THADA: variants seen among roughly 807,000 people sequenced by gnomAD.
The protein encoded by THADA is THADA armadillo repeat containing.
Under a neutral mutation model 219.8 loss-of-function variants are expected in THADA, and 213 were observed. The observed-to-expected ratio is 0.97, with a 90% CI of 0.87 to 1.09. The LOEUF (loss-of-function observed/expected upper bound fraction) is 1.09. THADA is among the 50% of genes least tolerant of loss of function. The pLI is 0.00. For missense variants in THADA, 2,956 were observed against 2,311.3 expected (o/e 1.28, Z -5.72); for synonymous variants, 1,018 against 828.9 (o/e 1.23, Z -3.92).
chr2:43,556,698 G>A (rs183607528), intron 16 of THADA, 143 bp from the exon 17 acceptor site: 7,349 of 726,884 alleles, frequency 0.01, 57 homozygotes, highest in Non-Finnish European at 0.014. Flanking sequence ...GCTGATGGAG[G>A]AGGATTACTT....
At chr2:43,508,856 A>T in intron 22 of THADA, 76 bp from the exon 23 acceptor site, 1 of 1,395,308 alleles carries the variant, frequency 7.2e-7, no homozygotes, top group South Asian at 1.3e-5. Context: ...GCACATTTAC[A>T]CTGTTAGTAA....
chr2:43,433,001 CT>C (rs1383219843), intron 26 of THADA, among the ~76,000 whole-genome samples: 2 of 152,022 alleles, frequency 1.3e-5, no homozygotes, highest in Admixed American at 1.3e-4. Flanking sequence ...CAATTTTTTT[CT>C]TTATGATTCA....
At chr2:43,561,016 C>CAAAAAAAAAAAAAAAAAA (rs3042329) in intron 15 of THADA, among the ~76,000 whole-genome samples, 1 of 92,330 alleles carries the variant, frequency 1.1e-5, no homozygotes, top group Non-Finnish European at 2.3e-5. Flanking sequence ...GACTTGGTCT[C>CAAAAAAAAAAAAAAAAAA]AAAAAAAAAA....
At chr2:43,343,308 T>C (rs1382702917) in intron 30 of THADA, 5 of 152,270 alleles carry the variant, frequency 3.3e-5, no homozygotes, top group African/African-American at 1.2e-4. Flanking sequence ...AGTGCTGGGA[T>C]TACAGACATG....
chr2:43,245,705 G>A (rs1018234816), intron 36 of THADA, among the ~76,000 whole-genome samples: 1 of 152,146 alleles, frequency 6.6e-6, no homozygotes, highest in African/African-American at 2.4e-5. Context: ...TGCTAGTCTT[G>A]AAGAATGTGC....
chr2:43,343,156 T>C (rs1213301853), intron 30 of THADA: 2 of 152,170 alleles, frequency 1.3e-5, no homozygotes, highest in African/African-American at 4.8e-5. Flanking sequence ...GCCTCCCAAG[T>C]AGTTGGGACT....
At chr2:43,278,548 G>A (rs1310292473) in intron 36 of THADA, among the ~76,000 whole-genome samples, 2 of 152,200 alleles carry the variant, frequency 1.3e-5, no homozygotes, top group Non-Finnish European at 2.9e-5. Flanking sequence ...TGGCAGGTTG[G>A]GGGCTGAGGG....
intron 15 of THADA, chr2:43,566,206 G>C (rs1236389464): frequency 9.5e-6 from 4 of 422,682 alleles, no homozygotes; most frequent in East Asian, 3.6e-5. Flanking sequence ...GAAAAACAAA[G>C]GGTATTATTA....
rs1226214477 is a variant in THADA, at chr2:43,566,433, T to C, written c.2311+265A>G. On this transcript the variant is annotated intron_variant, in intron 15 of 37. Transcript: ENST00000405975. ...AGCAACAAACAAATTAGTGAGGTAA[T>C]AGCTGGAACTCTTTCCATAATAAGC... 6 of 710,522 alleles carry C rather than the reference T, an allele frequency of 8.4e-6. 1 individual carries two copies. Among genetic ancestry groups the C allele is most frequent in the Non-Finnish European group, 1.6e-5 (6 of 383,512 alleles). 44.0% of individuals were successfully genotyped at this position (710,522 alleles called of 1,614,324 possible).
intron 15 of THADA, chr2:43,565,096 T>C (rs1267116579): frequency 6.6e-6 from 1 of 152,208 alleles, no homozygotes; most frequent in Middle Eastern, 3.2e-3. Flanking sequence ...GTTATGGTTA[T>C]AGAATTAATA....
intron 4 of THADA, among the ~76,000 whole-genome samples, chr2:43,588,309 G>T (rs1044136970): frequency 6.7e-6 from 1 of 149,566 alleles, no homozygotes; most frequent in African/African-American, 2.5e-5. Context: ...AAAAAAAATA[G>T]TATAAGGCCT....
chr2:43,569,363 T>C (rs1174616120), intron 14 of THADA, among the ~76,000 whole-genome samples: 2 of 152,230 alleles, frequency 1.3e-5, no homozygotes, highest in Non-Finnish European at 2.9e-5. Context: ...TGGAGAGATA[T>C]ATAGTCTACA....
At chr2:43,502,638 A>G (rs966945175) in intron 24 of THADA, among the ~76,000 whole-genome samples, 1 of 151,570 alleles carries the variant, frequency 6.6e-6, no homozygotes, top group African/African-American at 2.4e-5. Context: ...GAAAATATAA[A>G]ATGTCTTTCC....
intron 16 of THADA, among the ~76,000 whole-genome samples, chr2:43,559,374 T>C (rs187522544): frequency 6.6e-6 from 1 of 152,220 alleles, no homozygotes; most frequent in East Asian, 1.9e-4. Context: ...ACAGACACTA[T>C]CCTCTCTGGC....
intron 8 of THADA, 38 bp downstream of exon 8, chr2:43,581,703 C>A (rs1275481224): frequency 1.3e-6 from 2 of 1,543,910 alleles, no homozygotes; most frequent in Admixed American, 3.8e-5. Flanking sequence ...TTTTAACTGT[C>A]AATTATATAT....
At chr2:43,428,367 G>A (rs1173937667) in intron 27 of THADA, 136 bp from the exon 28 acceptor site, 1 of 789,654 alleles carries the variant, frequency 1.3e-6, no homozygotes, top group East Asian at 3.6e-5. Flanking sequence ...CAGCACTTTG[G>A]GAGGCCGAGG....
At chr2:43,515,814 C>G (rs979890606) in intron 22 of THADA, among the ~76,000 whole-genome samples, 1 of 152,072 alleles carries the variant, frequency 6.6e-6, no homozygotes, top group South Asian at 2.1e-4. Context: ...TCCAGAGACT[C>G]TCACCAAAAG....
At chr2:43,381,515 T>C (rs1008146575) in intron 29 of THADA, among the ~76,000 whole-genome samples, 1 of 151,850 alleles carries the variant, frequency 6.6e-6, no homozygotes, top group Non-Finnish European at 1.5e-5. Flanking sequence ...AGAAGCTCTA[T>C]AGTGGAGAAA....
Position 43,552,229 on chromosome 2 carries a change from C to A in THADA, c.2785G>T (p.Gly929Ter). The A allele has an allele frequency of 6.2e-7, 1 of 1,610,332 alleles. No homozygotes were observed. The highest frequency in any genetic ancestry group is 2.2e-5 in the East Asian group (1 of 44,848). Residue 929 changes from glycine (G) to a stop codon, truncating the protein, a stop_gained, in exon 18 of 38, where the codon GGA (glycine) becomes TGA (stop). Transcript: ENST00000405975. LOFTEE classifies it high-confidence loss of function. ...TTTAGAGATAACTTCTGCAAAGCTCCTGTTATACAGTGGACTCGCCCATAC... is the reference window on the plus strand; with the variant it reads ...TTTAGAGATAACTTCTGCAAAGCTCATGTTATACAGTGGACTCGCCCATAC... ...PMYGRVHCIT[G>*]ALQKLSLNSL...
Sources: allele counts gnomAD v4.1 joint callset (sites outside exome capture counted in the v4.1 genomes callset), GRCh38; gene constraint gnomAD v4.1.1; transcripts MANE v1.5; gene names NCBI Gene and HGNC (gene_info 2026-07-23, HGNC 2026-07-21).